FANCB: variants seen among roughly 807,000 people sequenced by gnomAD.
FANCB encodes FA complementation group B.
Under a neutral mutation model 38.9 loss-of-function variants are expected in FANCB, and 5 were observed. The observed-to-expected ratio is 0.13, with a 90% CI of 0.07 to 0.27. The LOEUF (loss-of-function observed/expected upper bound fraction) is 0.27, where lower values mean the gene tolerates loss of function less well. Among genes scored for constraint, FANCB ranks in the 10% least tolerant of loss-of-function variants. The probability of loss-of-function intolerance (pLI) is 1.00; values close to 1 mark genes in which losing one functional copy is unlikely to be tolerated. For synonymous variants in FANCB, 236 were observed against 215.4 expected (o/e 1.10, Z -0.84); for missense variants, 573 against 602.7 (o/e 0.95, Z 0.52).
the FANCB span, among the ~76,000 whole-genome samples, chrX:14,742,785 G>A: frequency 4.5e-5 from 5 of 112,291 alleles, no homozygotes; most frequent in African/African-American, 1.3e-4. Context: ...TTTAGCAAAC[G>A]GTGACAACAG....
chrX:14,854,043 TTTTTA>T (rs1350858878), intron 5 of FANCB, among the ~76,000 whole-genome samples: 3 of 112,807 alleles, frequency 2.7e-5, no homozygotes, highest in Non-Finnish European at 5.6e-5. Flanking sequence ...AAGTAAATTC[TTTTTA>T]TTTTAATCAA....
the FANCB span, among the ~76,000 whole-genome samples, chrX:14,735,521 A>G: frequency 8.9e-6 from 1 of 111,811 alleles, no homozygotes; most frequent in African/African-American, 3.3e-5. Context: ...AGTTTCCTGG[A>G]GGTCCACTCC....
In FANCB at chrX:14,844,575, C is replaced by T. The variant is rs773176825; in HGVS notation, c.2093G>A (p.Gly698Glu). 3 of 1,209,983 alleles carry T rather than the reference C, an allele frequency of 2.5e-6. No individual in the cohort carries two copies. The South Asian group carries it at 5.3e-5, about 21-fold the overall frequency. The change falls in exon 9 of 10, where the codon GGA (glycine) becomes GAA (glutamate). Residue 698 changes from glycine (G) to glutamate (E), a missense_variant. Coordinates refer to ENST00000650831, the MANE Select transcript of FANCB (RefSeq NM_001018113.3). Reference protein sequence around the residue: ...FPEVYFCERPGSFYGTLFTWK... With the variant: ...FPEVYFCERPESFYGTLFTWK... The stretch of plus-strand genomic sequence containing the variant: ...AGTGAAGAGTGTCCCATAGAAACTT[C>T]CCGGTCTTTCACAAAAGTACACTTC...
At chrX:14,765,021 G>A in the FANCB span, among the ~76,000 whole-genome samples, 13 of 111,964 alleles carry the variant, frequency 1.2e-4, no homozygotes, top group South Asian at 7.4e-4. Context: ...ATGAGTAATC[G>A]TTTAGCATAA....
intron 7 of FANCB, among the ~76,000 whole-genome samples, chrX:14,847,673 C>T (rs770112596): frequency 9.2e-6 from 1 of 109,088 alleles, no homozygotes; most frequent in South Asian, 3.8e-4. Flanking sequence ...AAGAAATCTG[C>T]ACTTAATCAT....
At chrX:14,858,769 T>C (rs188233764) in intron 4 of FANCB, among the ~76,000 whole-genome samples, 88 of 111,805 alleles carry the variant, frequency 7.9e-4, no homozygotes, top group Non-Finnish European at 5.1e-4. Context: ...ATCTGAAACT[T>C]CAGGGGCATA....
the FANCB span, among the ~76,000 whole-genome samples, chrX:14,694,406 C>A: frequency 1.8e-5 from 2 of 111,568 alleles, no homozygotes; most frequent in Non-Finnish European, 3.8e-5. Context: ...ATGAGAGGGA[C>A]AAAGAAGTAG....
At position 14,856,947 on chromosome X, in the gene FANCB, G is replaced by T. The variant is rs567926590; in HGVS notation, c.1197+915C>A. Among the ~76,000 whole-genome samples, 5 of 112,030 alleles carry T rather than the reference G, an allele frequency of 4.5e-5. No individual in the cohort carries two copies. The South Asian group carries it at 1.8e-3, about 41-fold the overall frequency. On this transcript the variant is annotated intron_variant, in intron 5 of 9. Transcript: ENST00000650831. ...GACAAGATAGCAAATAAGATTAAGG[G>T]ATCATTAACAATTTTCTAACTTTGA...
At chrX:14,730,891 TACACACACACACAC>T in the FANCB span, 5,161 of 97,519 alleles carry the variant, frequency 0.053, 194 homozygotes, top group African/African-American at 0.096. Context: ...AAGTTAGCTA[TACACACACACACAC>T]ACACACACAC....
chrX:14,861,902 C>T (rs1230496319), intron 3 of FANCB, among the ~76,000 whole-genome samples: 3 of 110,191 alleles, frequency 2.7e-5, no homozygotes, highest in Admixed American at 9.7e-5. Flanking sequence ...TGGAGTGCAG[C>T]GGGGCGATCT....
the FANCB span, among the ~76,000 whole-genome samples, chrX:14,810,205 A>C: frequency 2.7e-5 from 3 of 111,673 alleles, no homozygotes; most frequent in Non-Finnish European, 5.6e-5. Flanking sequence ...ATAAAACCAC[A>C]AAGATGGGGA....
chrX:14,724,489 G>A, the FANCB span, among the ~76,000 whole-genome samples: 3 of 108,460 alleles, frequency 2.8e-5, no homozygotes, highest in Non-Finnish European at 5.7e-5. Flanking sequence ...AGCTGGACAT[G>A]GTGGTGGGCA....
chrX:14,697,255 CTA>C, the FANCB span, among the ~76,000 whole-genome samples: 1 of 111,843 alleles, frequency 8.9e-6, no homozygotes, highest in Non-Finnish European at 1.9e-5. Context: ...TGATTTAGGC[CTA>C]TTTTTCCAAT....
chrX:14,826,218 C>A, the FANCB span, among the ~76,000 whole-genome samples: 2 of 111,646 alleles, frequency 1.8e-5, no homozygotes, highest in South Asian at 7.4e-4. Context: ...TGCATTTAAG[C>A]CTCCTCCATA....
the FANCB span, among the ~76,000 whole-genome samples, chrX:14,787,361 T>A: frequency 3.5e-4 from 38 of 108,561 alleles, no homozygotes; most frequent in African/African-American, 1.2e-3. Context: ...GAATGGTAGT[T>A]GCCAGGGGAT....
the FANCB span, among the ~76,000 whole-genome samples, chrX:14,811,249 C>T: frequency 9.0e-6 from 1 of 111,461 alleles, no homozygotes; most frequent in Admixed American, 9.5e-5. Context: ...TAGGAAGAAA[C>T]TGCATCAACT....
chrX:14,694,113 G>T, the FANCB span, among the ~76,000 whole-genome samples: 2 of 111,466 alleles, frequency 1.8e-5, no homozygotes, highest in Non-Finnish European at 3.8e-5. Flanking sequence ...ATAAAAGAAT[G>T]GTCCATTAAG....
At chrX:14,839,673 G>A (rs1175824135), downstream of FANCB, among the ~76,000 whole-genome samples, 1 of 111,488 alleles carries the variant, frequency 9.0e-6, no homozygotes, top group Non-Finnish European at 1.9e-5. Context: ...GGGGCATATG[G>A]GGGTGGTGAG....
the FANCB span, among the ~76,000 whole-genome samples, chrX:14,737,899 T>A: frequency 3.2e-4 from 36 of 112,131 alleles, no homozygotes; most frequent in Non-Finnish European, 6.0e-4. Flanking sequence ...GAGGCTAACA[T>A]GCCTCCCAAA....
Sources: gnomAD v4.1 joint callset for allele counts (sites outside exome capture counted in the v4.1 genomes callset) on GRCh38, gnomAD v4.1.1 for gene constraint, MANE v1.5 for transcripts, NCBI Gene and HGNC (gene_info 2026-07-23, HGNC 2026-07-21) for gene names.